CNTN6: variants seen among roughly 807,000 people sequenced by gnomAD.
CNTN6 encodes the protein contactin-6.
Under a neutral mutation model 122.8 loss-of-function variants are expected in CNTN6, and 137 were observed. That is an observed-to-expected ratio of 1.12 (90% CI 0.97 to 1.29). The LOEUF is 1.29. Among genes scored for constraint, CNTN6 ranks in the 50% most tolerant of loss-of-function variants. The probability of loss-of-function intolerance (pLI) is 0.00; values close to 1 mark genes in which losing one functional copy is unlikely to be tolerated. For missense variants in CNTN6, 1,634 were observed against 1,223.4 expected, an observed-to-expected ratio of 1.34 and a Z score of -5.01; for synonymous variants, 570 against 426.0, an observed-to-expected ratio of 1.34 and a Z score of -4.16.
At chr3:1,370,018 CTT>C (rs1708784905) in intron 12 of CNTN6, among the ~76,000 whole-genome samples, 1 of 152,034 alleles carries the variant, frequency 6.6e-6, no homozygotes, top group Non-Finnish European at 1.5e-5. Context: ...GATTCCCTCT[CTT>C]TCTCTTACCC....
intron 4 of CNTN6, among the ~76,000 whole-genome samples, chr3:1,277,994 TA>T (rs1432007561): frequency 1.3e-5 from 2 of 152,328 alleles, no homozygotes; most frequent in African/African-American, 4.8e-5. Flanking sequence ...CATTACATCC[TA>T]AATTCTCATA....
chr3:1,214,487 T>G (rs1247538241), intron 2 of CNTN6, among the ~76,000 whole-genome samples: 1 of 151,704 alleles, frequency 6.6e-6, no homozygotes, highest in African/African-American at 2.4e-5. Flanking sequence ...TTTTTATATT[T>G]TTAGTAGAGA....
rs1559595830 is a variant in CNTN6, at chr3:1,245,234, A to G, written c.358+17241A>G. On this transcript the variant is annotated intron_variant, in intron 4 of 22. Transcript: ENST00000446702. ...TATATATATATATATATATATATAT[A>G]TACACACACACATATATATATAACA... Among the ~76,000 whole-genome samples the G allele has an allele frequency of 1.4e-3, 17 of 11,890 alleles. 1 individual carries two copies. The highest frequency in any genetic ancestry group is 8.3e-3 in the African/African-American group (15 of 1,816). The allele number at this position is 11,890 out of a possible 152,430, so 7.8% of individuals were successfully genotyped here.
intron 5 of CNTN6, among the ~76,000 whole-genome samples, chr3:1,279,298 G>C (rs199545823): frequency 6.6e-6 from 1 of 152,196 alleles, no homozygotes; most frequent in East Asian, 1.9e-4. Flanking sequence ...GGTAAATTTA[G>C]TCGTGATTCT....
chr3:1,331,009 T>G (rs2126003013), intron 11 of CNTN6, among the ~76,000 whole-genome samples: 1 of 151,982 alleles, frequency 6.6e-6, no homozygotes, highest in East Asian at 1.9e-4. Flanking sequence ...AGCCATAGGA[T>G]GAATGAAGGG....
intron 4 of CNTN6, among the ~76,000 whole-genome samples, chr3:1,236,375 A>G (rs899275913): frequency 6.6e-6 from 1 of 152,102 alleles, no homozygotes; most frequent in Admixed American, 6.5e-5. Context: ...GGTGGTATCC[A>G]CAGCTGCAAG....
At chr3:1,287,795 T>C (rs1694601839) in intron 5 of CNTN6, among the ~76,000 whole-genome samples, 1 of 152,162 alleles carries the variant, frequency 6.6e-6, no homozygotes, top group Non-Finnish European at 1.5e-5. Context: ...CCATGGCAAC[T>C]TCTAGAAGCT....
intron 1 of CNTN6, among the ~76,000 whole-genome samples, chr3:1,094,361 G>A (rs1384922929): frequency 1.3e-5 from 2 of 151,722 alleles, no homozygotes; most frequent in Non-Finnish European, 2.9e-5. Flanking sequence ...TAAAAAAAAA[G>A]AAATACAGAA....
intron 5 of CNTN6, among the ~76,000 whole-genome samples, chr3:1,286,557 A>G (rs9846855): frequency 0.019 from 2,878 of 152,254 alleles, 95 homozygotes; most frequent in African/African-American, 0.065. Context: ...ATAGTATTCC[A>G]TGGTGTATAT....
At chr3:1,106,106 G>C (rs1217863803) in intron 1 of CNTN6, among the ~76,000 whole-genome samples, 2 of 151,938 alleles carry the variant, frequency 1.3e-5, no homozygotes, top group Non-Finnish European at 2.9e-5. Flanking sequence ...TCAGGAATTT[G>C]GTATGTTAGG....
In CNTN6 at chr3:1,237,991, TA is replaced by T. The variant is rs199505038; in HGVS notation, c.358+10007del. ...ACCTATATAACAATAACACAATGTTTAAAAAAAAAGAAAAGAAAACAGAAAA... is the reference window on the plus strand; with the variant it reads ...ACCTATATAACAATAACACAATGTTTAAAAAAAAGAAAAGAAAACAGAAAA... On this transcript the variant is annotated intron_variant, in intron 4 of 22. Transcript: ENST00000446702. 3.8e-3 allele frequency among the ~76,000 whole-genome samples: 551 copies of T among 146,608 alleles called. 14 individuals carry two copies. The East Asian group carries it at 0.091, about 24-fold the overall frequency.
At chr3:1,324,985 T>C (rs1184346039) in intron 8 of CNTN6, among the ~76,000 whole-genome samples, 1 of 139,670 alleles carries the variant, frequency 7.2e-6, no homozygotes, top group Non-Finnish European at 1.5e-5. Flanking sequence ...TACTTCTGTA[T>C]ATCCAAGGAC....
At chr3:1,200,068 A>T (rs1164353044) in intron 2 of CNTN6, among the ~76,000 whole-genome samples, 3 of 151,920 alleles carry the variant, frequency 2.0e-5, no homozygotes, top group African/African-American at 4.8e-5. Context: ...ATATATATAT[A>T]TTTTTTAAGA....
At chr3:1,108,923 T>C (rs111807501) in intron 1 of CNTN6, among the ~76,000 whole-genome samples, 95 of 152,160 alleles carry the variant, frequency 6.2e-4, no homozygotes, top group African/African-American at 2.2e-3. Context: ...GAGAACATAA[T>C]AATTCAATTT....
intron 4 of CNTN6, among the ~76,000 whole-genome samples, chr3:1,259,069 G>C (rs2094804627): frequency 6.6e-6 from 1 of 152,122 alleles, no homozygotes; most frequent in Admixed American, 6.6e-5. Context: ...TAGCTCATGG[G>C]TTGCAGTCTG....
chr3:1,380,278 A>C (rs1372473839), intron 17 of CNTN6, among the ~76,000 whole-genome samples: 4 of 152,198 alleles, frequency 2.6e-5, no homozygotes, highest in Non-Finnish European at 4.4e-5. Context: ...CCTGTGGTAT[A>C]ATCTGCCTGA....
chr3:1,336,301 C>T (rs1414510827), intron 11 of CNTN6, among the ~76,000 whole-genome samples: 1 of 119,474 alleles, frequency 8.4e-6, no homozygotes, highest in Non-Finnish European at 2.1e-5. Context: ...AACATTAAAG[C>T]ACATTTTTTT....
intron 1 of CNTN6, among the ~76,000 whole-genome samples, chr3:1,097,757 C>T (rs2090610050): frequency 6.6e-6 from 1 of 151,962 alleles, no homozygotes; most frequent in African/African-American, 2.4e-5. Flanking sequence ...GAAAGCCTGG[C>T]AATTAAGAAG....
chr3:1,333,115 C>T (rs1324192076), intron 11 of CNTN6, among the ~76,000 whole-genome samples: 1 of 151,762 alleles, frequency 6.6e-6, no homozygotes, highest in Non-Finnish European at 1.5e-5. Context: ...AGATGGGTAC[C>T]TAGGAATTGG....
Sources: allele counts gnomAD v4.1 joint callset (sites outside exome capture counted in the v4.1 genomes callset), GRCh38; gene constraint gnomAD v4.1.1; transcripts MANE v1.5; gene names NCBI Gene and HGNC (gene_info 2026-07-23, HGNC 2026-07-21).